Variants in UPP1 observed in about 807,000 individuals in gnomAD.
The protein encoded by UPP1 is uridine phosphorylase 1.
Under a neutral mutation model 29.6 loss-of-function variants are expected in UPP1, and 25 were observed. That is an observed-to-expected ratio of 0.85 (90% confidence interval 0.62 to 1.18). The LOEUF is 1.18. Ranked by LOEUF, UPP1 falls within the 50% of genes most tolerant of loss-of-function variation. The pLI is 0.00. For missense variants in UPP1, 368 were observed against 410.4 expected, an observed-to-expected ratio of 0.90 and a Z score of 0.89; for synonymous variants, 165 against 159.8, an observed-to-expected ratio of 1.03 and a Z score of -0.25.
intron 6 of UPP1, chr7:48,106,432 T>G (rs1792738174): frequency 1.7e-5 from 3 of 177,012 alleles, no homozygotes; most frequent in Admixed American, 5.4e-5. Context: ...CGCCTCAGTC[T>G]CCCAAGTAGC....
At chr7:48,095,488 T>A (rs1792080682) in intron 3 of UPP1, among the ~76,000 whole-genome samples, 1 of 152,036 alleles carries the variant, frequency 6.6e-6, no homozygotes, top group Admixed American at 6.6e-5. Flanking sequence ...GGTCCTTTGT[T>A]CCTCTGTAAC....
At chr7:48,106,606 C>T (rs1249530541) in intron 6 of UPP1, 2 of 409,090 alleles carry the variant, frequency 4.9e-6, no homozygotes, top group African/African-American at 4.1e-5. Context: ...GCCACTGCAC[C>T]CAGCCCTCTA....
chr7:48,106,029 TAATG>T (rs1394540928), intron 6 of UPP1: 1 of 152,246 alleles, frequency 6.6e-6, no homozygotes, highest in African/African-American at 2.4e-5. Flanking sequence ...TGGACCCTAA[TAATG>T]CATCAATCTG....
chr7:48,094,128 C>T (rs1791996526), intron 2 of UPP1, among the ~76,000 whole-genome samples: 1 of 152,050 alleles, frequency 6.6e-6, no homozygotes, highest in Non-Finnish European at 1.5e-5. Flanking sequence ...CCACTGCACT[C>T]CAGCCTGGGT....
chr7:48,101,430 T>C (rs971997036), intron 4 of UPP1, among the ~76,000 whole-genome samples: 6 of 152,080 alleles, frequency 3.9e-5, no homozygotes, highest in African/African-American at 1.4e-4. Flanking sequence ...GTAGCCCATT[T>C]TGTGGGGCCC....
chr7:48,099,724 T>C lies in UPP1; in HGVS notation c.99T>C (p.Ile33=). 2 of 1,614,018 alleles carry C rather than the reference T, an allele frequency of 1.2e-6. No individual in the cohort carries two copies. Among genetic ancestry groups the C allele is most frequent in the South Asian group, 2.2e-5 (2 of 91,078 alleles). Residue 33 remains isoleucine (I), a synonymous_variant, in exon 4 of 9, where the codon ATT becomes ATC. Coordinates refer to ENST00000395564, the MANE Select transcript of UPP1 (RefSeq NM_003364.4). The part of the protein sequence containing the change: ...NPNIAKMKED[I]LYHFNLTTSR... ...ACATAGCAAAAATGAAAGAAGATAT[T>C]CTCTATCATTTCAATCTCACCACTA...
rs947654716 is a variant in UPP1, at chr7:48,107,399, GAGA to G, written c.688_690del (p.Lys230del). 2.9e-5 allele frequency: 46 copies of G among 1,613,994 alleles called. No individual in the cohort carries two copies. Among genetic ancestry groups the G allele is most frequent in the Non-Finnish European group, 3.7e-5 (44 of 1,179,994 alleles). Reference sequence around the variant, plus strand: ...GGATGGGGCTCTCTGCTCCTACACGGAGAAGGACAAGCAGGCGTATCTGGAGGC... The same window carrying G: ...GGATGGGGCTCTCTGCTCCTACACGGAGGACAAGCAGGCGTATCTGGAGGC... On this transcript the variant is annotated inframe_deletion, in exon 8 of 9. Transcript: ENST00000395564.
intron 5 of UPP1, among the ~76,000 whole-genome samples, chr7:48,102,248 T>TA (rs200539893): frequency 0.012 from 1,769 of 152,242 alleles, 19 homozygotes; most frequent in Non-Finnish European, 0.018. Flanking sequence ...TGCAGGGAGT[T>TA]AGAGTGCTTG....
At chr7:48,104,638 C>T (rs1251687795) in intron 6 of UPP1, 1 of 152,192 alleles carries the variant, frequency 6.6e-6, no homozygotes, top group Non-Finnish European at 1.5e-5. Context: ...GTTATCTTGT[C>T]TCTTTTCTTT....
chr7:48,100,171 T>C (rs1304994243), intron 4 of UPP1, among the ~76,000 whole-genome samples: 2 of 152,180 alleles, frequency 1.3e-5, no homozygotes, highest in Non-Finnish European at 2.9e-5. Context: ...GCTACAAACC[T>C]CTATAGCATG....
intron 6 of UPP1, among the ~76,000 whole-genome samples, chr7:48,104,303 C>T (rs1392904262): frequency 6.6e-6 from 1 of 152,206 alleles, no homozygotes; most frequent in Non-Finnish European, 1.5e-5. Flanking sequence ...CAAAAGCTAA[C>T]AAATTGTTGA....
At chr7:48,100,054 C>T (rs1036450492) in intron 4 of UPP1, among the ~76,000 whole-genome samples, 5 of 152,108 alleles carry the variant, frequency 3.3e-5, no homozygotes, top group Admixed American at 6.5e-5. Context: ...AAATACGGTC[C>T]GAGAAATGCA....
chr7:48,101,915 A>G lies in UPP1; in HGVS notation c.254A>G (p.Tyr85Cys). The G allele has an allele frequency of 2.5e-6, 4 of 1,614,054 alleles. No individual in the cohort carries two copies. Among genetic ancestry groups the G allele is most frequent in the Non-Finnish European group, 2.5e-6 (3 of 1,180,002 alleles). The change falls in exon 5 of 9, where the codon TAT (tyrosine) becomes TGT (cysteine). Residue 85 changes from tyrosine to cysteine, a missense_variant. By Grantham distance (194) the Tyr-to-Cys change is radical. Transcript: ENST00000395564. ...GGCCTTGACTGCCCAGGTAGAGACTATCCCAACATCTGTGCGGGAACTGAC... is the reference window on the plus strand; with the variant it reads ...GGCCTTGACTGCCCAGGTAGAGACTGTCCCAACATCTGTGCGGGAACTGAC... ...ELGLDCPGRD[Y>C]PNICAGTDRY... is the part of the protein sequence containing the mutation.
rs1791748895 is a variant in UPP1, at chr7:48,090,199, G to T, written c.-187G>T. ...CTTGGACCTGGCAGGGCCCAGAGAA[G>T]CGAGGAACTCCGCAGCTCGTCGACA... On this transcript the variant is annotated 5_prime_UTR_variant, in exon 2 of 9. Coordinates refer to ENST00000395564, the MANE Select transcript of UPP1 (RefSeq NM_003364.4). 6.6e-6 allele frequency: 1 copy of T among 152,236 alleles called. No individual in the cohort carries two copies. The highest frequency in any genetic ancestry group is 1.5e-5 in the Non-Finnish European group (1 of 68,050). The allele number at this position is 152,236 out of a possible 1,614,324, so 9.4% of individuals were successfully genotyped here.
rs759605138 is a variant in UPP1 at position 48,106,889 on chromosome 7, T to C, written c.453T>C (p.Thr151=). 1 of 1,613,814 alleles carries C rather than the reference T, an allele frequency of 6.2e-7. No individual in the cohort carries two copies. Among genetic ancestry groups the C allele is most frequent in the Admixed American group, 1.7e-5 (1 of 60,020 alleles). Residue 151 remains threonine, a synonymous_variant, in exon 7 of 9, where the codon ACT becomes ACC. Transcript: ENST00000395564. ...TTTCCTCAGGTCTGGAGCCCGGCAC[T>C]GTGGTCATAACAGAGCAGGCAGTGG... ...TSGGIGLEPG[T]VVITEQAVDT... is the part of the protein sequence containing the mutation.
chr7:48,102,755 G>T (rs570570136), intron 5 of UPP1, among the ~76,000 whole-genome samples: 2 of 152,172 alleles, frequency 1.3e-5, no homozygotes, highest in South Asian at 4.1e-4. Flanking sequence ...TGTGACACTA[G>T]GGGGGGTGCT....
In UPP1 at chr7:48,108,508, G is replaced by T. The variant is rs1486683094; in HGVS notation, c.*151G>T. On this transcript the variant is annotated 3_prime_UTR_variant, in exon 9 of 9. Coordinates refer to ENST00000395564, the MANE Select transcript of UPP1 (RefSeq NM_003364.4). ...AGAGACAGAGAATCTTGGATTAACC[G>T]CATGGGAGATGTTCTTCCTTTTGAA... 2.2e-5 allele frequency: 19 copies of T among 864,126 alleles called. No homozygotes were observed. Among genetic ancestry groups the T allele is most frequent in the South Asian group, 8.2e-5 (3 of 36,578 alleles). The allele number at this position is 864,126 out of a possible 1,614,324, so 53.5% of individuals were successfully genotyped here. A position where few individuals can be genotyped will look rare whatever the true frequency, so the allele number is the denominator to read the frequency against.
chr7:48,102,982 G>T (rs934234082), intron 5 of UPP1, among the ~76,000 whole-genome samples: 2 of 152,104 alleles, frequency 1.3e-5, no homozygotes, highest in East Asian at 3.9e-4. Context: ...ATTTATGCAG[G>T]GCTTCAAATG....
At chr7:48,097,674 T>C (rs1286735154) in intron 3 of UPP1, among the ~76,000 whole-genome samples, 1 of 152,224 alleles carries the variant, frequency 6.6e-6, no homozygotes, top group Non-Finnish European at 1.5e-5. Flanking sequence ...CATCCTGTTT[T>C]GTTATTTTGA....
Sources: allele counts gnomAD v4.1 joint callset (sites outside exome capture counted in the v4.1 genomes callset), GRCh38; gene constraint gnomAD v4.1.1; transcripts MANE v1.5; gene names NCBI Gene and HGNC (gene_info 2026-07-23, HGNC 2026-07-21).